The following DAB1 variants were observed in gnomAD, a reference collection of about 807,000 sequenced individuals.
The protein encoded by DAB1 is disabled homolog 1.
In DAB1, 15 loss-of-function variants were observed where a neutral mutation model predicts 64.6. The ratio of observed to expected loss-of-function variants is 0.23; its 90% confidence interval spans 0.16 to 0.36. The LOEUF (loss-of-function observed/expected upper bound fraction) is 0.36, where lower values mean the gene tolerates loss of function less well. Ranked by LOEUF, DAB1 falls within the 10% of genes least tolerant of loss-of-function variation. The pLI, the probability that DAB1 is intolerant of heterozygous loss-of-function variation, is 1.00. For missense variants in DAB1, 596 were observed against 706.7 expected (o/e 0.84, Z 1.78); for synonymous variants, 235 against 251.9 (o/e 0.93, Z 0.64).
intron 2 of DAB1, among the ~76,000 whole-genome samples, chr1:57,159,856 C>CAA (rs398049302): frequency 3.4e-4 from 29 of 86,346 alleles, no homozygotes; most frequent in South Asian, 9.3e-4. Flanking sequence ...AGCAGCAAGA[C>CAA]AAAAAAAAAA....
chr1:58,234,491 C>T (rs1659922759), intron 4 of DAB1, among the ~76,000 whole-genome samples: 1 of 152,178 alleles, frequency 6.6e-6, no homozygotes, highest in East Asian at 1.9e-4. Context: ...GCAATGTGCT[C>T]ACCCATCAGG....
At chr1:57,154,666 T>G (rs1660041182) in intron 2 of DAB1, among the ~76,000 whole-genome samples, 1 of 152,230 alleles carries the variant, frequency 6.6e-6, no homozygotes, top group Non-Finnish European at 1.5e-5. Flanking sequence ...ACCAACAGTG[T>G]ACAAGGGTTT....
At chr1:57,344,081 C>A (rs899423464) in intron 1 of DAB1, among the ~76,000 whole-genome samples, 1 of 152,150 alleles carries the variant, frequency 6.6e-6, no homozygotes, top group Admixed American at 6.5e-5. Context: ...AAATATTATC[C>A]CCATTTTACA....
chr1:57,062,576 G>A (rs188570641), intron 9 of DAB1, among the ~76,000 whole-genome samples: 1 of 152,274 alleles, frequency 6.6e-6, no homozygotes, highest in African/African-American at 2.4e-5. Context: ...AACCATGGCT[G>A]GAGACTTTTG....
chr1:57,064,668 A>G (rs1489918382), intron 8 of DAB1, among the ~76,000 whole-genome samples: 2 of 152,138 alleles, frequency 1.3e-5, no homozygotes, highest in Admixed American at 1.3e-4. Context: ...TTGCCATTTG[A>G]CTGCTATACT....
At chr1:57,586,396 G>A (rs1645380940) in intron 7 of DAB1, among the ~76,000 whole-genome samples, 1 of 152,098 alleles carries the variant, frequency 6.6e-6, no homozygotes, top group South Asian at 2.1e-4. Context: ...CTCCTCCACT[G>A]TTCTGGACTC....
chr1:58,361,116 T>C (rs899293362), intron 3 of DAB1, among the ~76,000 whole-genome samples: 1 of 152,224 alleles, frequency 6.6e-6, no homozygotes, highest in Non-Finnish European at 1.5e-5. Flanking sequence ...ACTGAAGCCC[T>C]GGTGTGTACC....
At chr1:57,298,629 C>T (rs532716422) in intron 1 of DAB1, among the ~76,000 whole-genome samples, 169 of 152,100 alleles carry the variant, frequency 1.1e-3, no homozygotes, top group African/African-American at 3.9e-3. Context: ...GTTGTATTTA[C>T]CCCACGTTAT....
chr1:58,532,277 G>A (rs1238617300), intron 1 of DAB1, among the ~76,000 whole-genome samples: 1 of 152,006 alleles, frequency 6.6e-6, no homozygotes, highest in Non-Finnish European at 1.5e-5. Context: ...TATTTTTAAG[G>A]CTGCTGTTTG....
At chr1:57,965,342 C>T (rs17116560) in intron 5 of DAB1, among the ~76,000 whole-genome samples, 25 of 152,234 alleles carry the variant, frequency 1.6e-4, no homozygotes, top group African/African-American at 5.5e-4. Context: ...AATATGGCAT[C>T]AGGAGTCAAA....
At chr1:58,000,237 T>TTTGGATG (rs1370190218) in intron 5 of DAB1, among the ~76,000 whole-genome samples, 1 of 152,166 alleles carries the variant, frequency 6.6e-6, no homozygotes, top group African/African-American at 2.4e-5. Flanking sequence ...TAGTGCAACT[T>TTTGGATG]TTGGATGTGA....
chr1:57,739,459 TCCCTC>T (rs372959037), intron 6 of DAB1, among the ~76,000 whole-genome samples: 118 of 5,784 alleles, frequency 0.02, 1 homozygote, highest in African/African-American at 0.035. Flanking sequence ...CCCCTCCCCT[TCCCTC>T]CCCTCCCCTC....
At chr1:57,999,900 G>T (rs895563627) in intron 5 of DAB1, among the ~76,000 whole-genome samples, 1 of 150,284 alleles carries the variant, frequency 6.7e-6, no homozygotes, top group African/African-American at 2.5e-5. Flanking sequence ...AGAAAGAAAA[G>T]GAGTTAAAGG....
intron 2 of DAB1, among the ~76,000 whole-genome samples, chr1:57,209,391 G>T (rs553196708): frequency 6.6e-6 from 1 of 152,328 alleles, no homozygotes; most frequent in African/African-American, 2.4e-5. Flanking sequence ...TGAATTGGGG[G>T]AAGTCTGTTC....
intron 6 of DAB1, among the ~76,000 whole-genome samples, chr1:57,786,841 G>T (rs933779456): frequency 3.3e-5 from 5 of 151,908 alleles, no homozygotes; most frequent in African/African-American, 1.2e-4. Context: ...TAACAACCGT[G>T]GAACATGACT....
At chr1:57,354,193 A>G (rs559541870) in intron 1 of DAB1, among the ~76,000 whole-genome samples, 2 of 152,258 alleles carry the variant, frequency 1.3e-5, no homozygotes, top group South Asian at 4.1e-4. Context: ...CTGAAACATT[A>G]CATACAGACT....
intron 4 of DAB1, among the ~76,000 whole-genome samples, chr1:58,263,191 T>C (rs939318769): frequency 6.6e-6 from 1 of 152,230 alleles, no homozygotes; most frequent in Non-Finnish European, 1.5e-5. Flanking sequence ...TTTTACTTTT[T>C]GGGAGCTGTA....
chr1:57,548,016 A>G lies in DAB1; in HGVS notation n.625+101576T>C, dbSNP rs182772554. ...GAAACAACTTTTTATCTATCTGTTC[A>G]CAATCATGTAATGCAAAATTATCTC... is the stretch of plus-strand genomic sequence containing the variant. On this transcript the variant is annotated intron_variant and non_coding_transcript_variant, in intron 7 of 20. Coordinates refer to the DAB1 transcript ENST00000485760. 1.7e-3 allele frequency among the ~76,000 whole-genome samples: 256 copies of G among 152,270 alleles called. 1 individual carries two copies. The highest frequency in any genetic ancestry group is 5.7e-3 in the African/African-American group (237 of 41,574).
Position 57,690,050 on chromosome 1 carries a change from C to A in DAB1, n.552-40385G>T, listed in dbSNP as rs148041690. Among the ~76,000 whole-genome samples, 646 of 152,214 alleles carry A rather than the reference C, an allele frequency of 4.2e-3. 17 individuals are homozygous for A. Among genetic ancestry groups the A allele is most frequent in the Non-Finnish European group, 6.2e-4 (42 of 67,992 alleles). The stretch of plus-strand genomic sequence containing the variant: ...GGCTTATTCCACTTAACATAATGAC[C>A]TCCAGTGCCATCCATGTTGTTGCAA... On this transcript the variant is annotated intron_variant and non_coding_transcript_variant, in intron 6 of 20. Coordinates refer to the DAB1 transcript ENST00000485760.
Sources: gnomAD v4.1 joint callset for allele counts (sites outside exome capture counted in the v4.1 genomes callset) on GRCh38, gnomAD v4.1.1 for gene constraint, MANE v1.5 for transcripts, NCBI Gene and HGNC (gene_info 2026-07-23, HGNC 2026-07-21) for gene names.